The following NAALADL2 variants were observed in gnomAD, a reference collection of about 807,000 sequenced individuals.
NAALADL2 encodes inactive N-acetylated-alpha-linked acidic dipeptidase-like protein 2.
Under a neutral mutation model 87.2 loss-of-function variants are expected in NAALADL2, and 76 were observed. That is an observed-to-expected ratio of 0.87 (90% CI 0.72 to 1.05). NAALADL2 has a LOEUF of 1.05. Among genes scored for constraint, NAALADL2 ranks in the 50% least tolerant of loss-of-function variants. The pLI is 0.00. For missense variants in NAALADL2, 1,089 were observed against 945.8 expected (o/e 1.15, Z -1.99); for synonymous variants, 354 against 331.0 (o/e 1.07, Z -0.75).
intron 2 of NAALADL2, among the ~76,000 whole-genome samples, chr3:175,190,878 T>C (rs1209363335): frequency 6.7e-6 from 1 of 148,778 alleles, no homozygotes; most frequent in Non-Finnish European, 1.5e-5. Context: ...CTCGGGAGGC[T>C]GAGGCAGGAG....
At chr3:174,851,708 A>C (rs1267956259) in intron 3 of NAALADL2, among the ~76,000 whole-genome samples, 1 of 152,090 alleles carries the variant, frequency 6.6e-6, no homozygotes, top group Non-Finnish European at 1.5e-5. Flanking sequence ...ATTTAGGAGG[A>C]GGGAATAATT....
chr3:175,174,836 G>GCACACACA (rs748466711), intron 2 of NAALADL2, among the ~76,000 whole-genome samples: 89 of 80,644 alleles, frequency 1.1e-3, no homozygotes, highest in East Asian at 8.6e-3. Flanking sequence ...ACACACACAT[G>GCACACACA]CACACAGACA....
chr3:175,619,396 G>GA (rs369386266), intron 10 of NAALADL2, among the ~76,000 whole-genome samples: 54 of 140,230 alleles, frequency 3.9e-4, no homozygotes, highest in East Asian at 1.7e-3. Flanking sequence ...CTCCCAAAAG[G>GA]AAAAAAAAAT....
chr3:175,518,671 C>G (rs1732220800), intron 9 of NAALADL2, among the ~76,000 whole-genome samples: 1 of 152,146 alleles, frequency 6.6e-6, no homozygotes, highest in Non-Finnish European at 1.5e-5. Context: ...GTTCAGGTCT[C>G]ACTTCCTCTT....
intron 4 of NAALADL2, among the ~76,000 whole-genome samples, chr3:175,303,682 T>C (rs750897358): frequency 7.9e-5 from 12 of 152,236 alleles, no homozygotes; most frequent in Non-Finnish European, 1.6e-4. Context: ...TGCATTCCCA[T>C]TTCCATTCCC....
intron 2 of NAALADL2, among the ~76,000 whole-genome samples, chr3:175,199,013 T>C (rs1029060126): frequency 3.7e-4 from 57 of 152,216 alleles, no homozygotes; most frequent in African/African-American, 1.3e-3. Context: ...TAGACTTAAA[T>C]TTTAAGGACA....
At chr3:174,568,847 C>CT (rs1053354157) in intron 2 of NAALADL2, among the ~76,000 whole-genome samples, 2 of 150,734 alleles carry the variant, frequency 1.3e-5, no homozygotes, top group Non-Finnish European at 3.0e-5. Flanking sequence ...AATTATTATT[C>CT]TTTTTTTAAG....
At chr3:175,287,924 G>A (rs1281677189) in intron 4 of NAALADL2, among the ~76,000 whole-genome samples, 2 of 152,116 alleles carry the variant, frequency 1.3e-5, no homozygotes, top group East Asian at 1.9e-4. Flanking sequence ...AAATGCTACC[G>A]ATATCTATTG....
chr3:174,563,340 G>A (rs1713855777), intron 2 of NAALADL2, among the ~76,000 whole-genome samples: 1 of 151,210 alleles, frequency 6.6e-6, no homozygotes, highest in Non-Finnish European at 1.5e-5. Context: ...GAACAAAGAA[G>A]TTTAGAAATT....
chr3:175,537,065 T>C (rs917855768), intron 9 of NAALADL2, among the ~76,000 whole-genome samples: 1 of 152,196 alleles, frequency 6.6e-6, no homozygotes, highest in Non-Finnish European at 1.5e-5. Context: ...ATTAATAACT[T>C]GTGTTTGTAT....
At chr3:174,744,933 G>A (rs796426904) in intron 3 of NAALADL2, among the ~76,000 whole-genome samples, 3 of 152,246 alleles carry the variant, frequency 2.0e-5, no homozygotes, top group African/African-American at 7.2e-5. Context: ...GAATCTCTGG[G>A]ACACAGCTAA....
chr3:174,799,169 CAAAAAAA>C (rs3040101), intron 3 of NAALADL2, among the ~76,000 whole-genome samples: 7 of 125,070 alleles, frequency 5.6e-5, no homozygotes, highest in African/African-American at 8.8e-5. Context: ...GACTCTGTCT[CAAAAAAA>C]AAAAAAAAAT....
intron 4 of NAALADL2, among the ~76,000 whole-genome samples, chr3:175,284,236 A>C (rs941333901): frequency 7.0e-6 from 1 of 142,294 alleles, no homozygotes; most frequent in Non-Finnish European, 1.5e-5. Flanking sequence ...GCTGGTGTGC[A>C]TATGTGTGTT....
chr3:175,289,786 T>G (rs1257137042), intron 4 of NAALADL2, among the ~76,000 whole-genome samples: 1 of 151,878 alleles, frequency 6.6e-6, no homozygotes, highest in East Asian at 1.9e-4. Context: ...CATAGAGAGA[T>G]CTTGTCTCAA....
At chr3:175,484,110 C>A (rs942174123) in intron 9 of NAALADL2, among the ~76,000 whole-genome samples, 14 of 151,986 alleles carry the variant, frequency 9.2e-5, no homozygotes, top group African/African-American at 3.4e-4. Flanking sequence ...CAGATAAATA[C>A]CATTTACCAT....
intron 3 of NAALADL2, among the ~76,000 whole-genome samples, chr3:174,791,295 C>T (rs1257223369): frequency 7.9e-5 from 12 of 152,114 alleles, no homozygotes; most frequent in African/African-American, 2.9e-4. Context: ...TTCGCATTCT[C>T]CTAAAAGTCA....
rs775251523 is a variant in NAALADL2 at position 175,233,947 on chromosome 3, T to C, written c.562T>C (p.Tyr188His). Residue 188 changes from tyrosine to histidine, a missense_variant, in exon 3 of 14, where the codon TAT becomes CAT. Physicochemically the swap from Tyr to His is moderately conservative, Grantham distance 83 (BLOSUM62 2). Transcript: ENST00000454872. ...TTATTTCAGAAATTTGGTACAACTA[T>C]ATAAAAATGAAGATGACATGGAAAT... ...KKSFRNLVQL[Y>H]KNEDDMEISK... is the part of the protein sequence containing the mutation. The C allele has an allele frequency of 6.9e-6, 11 of 1,583,318 alleles. No individual in the cohort carries two copies. The African/African-American group carries it at 1.1e-4, about 16-fold the overall frequency.
At chr3:174,719,340 T>C (rs1731494754) in intron 2 of NAALADL2, among the ~76,000 whole-genome samples, 1 of 152,120 alleles carries the variant, frequency 6.6e-6, no homozygotes, top group Non-Finnish European at 1.5e-5. Flanking sequence ...ATTCTGTTTG[T>C]AAATGGCCAT....
At chr3:175,659,757 A>C (rs974211624) in intron 11 of NAALADL2, among the ~76,000 whole-genome samples, 1 of 152,260 alleles carries the variant, frequency 6.6e-6, no homozygotes, top group African/African-American at 2.4e-5. Context: ...TTTGATCTTG[A>C]GATTTCTGTA....
Sources: gnomAD v4.1 joint callset for allele counts (sites outside exome capture counted in the v4.1 genomes callset) on GRCh38, gnomAD v4.1.1 for gene constraint, MANE v1.5 for transcripts, NCBI Gene and HGNC (gene_info 2026-07-23, HGNC 2026-07-21) for gene names.